Variants in SPATA9 observed in about 807,000 individuals in gnomAD.
SPATA9 encodes the protein spermatogenesis associated 9.
A neutral mutation model predicts 25.5 loss-of-function variants in SPATA9; 27 were observed. The observed-to-expected ratio is 1.06, with a 90% CI of 0.78 to 1.46. The LOEUF (loss-of-function observed/expected upper bound fraction) is 1.46. Among genes scored for constraint, SPATA9 ranks in the 40% most tolerant of loss-of-function variants. The pLI, the probability that SPATA9 is intolerant of heterozygous loss-of-function variation, is 0.00. For synonymous variants in SPATA9, 102 were observed against 105.7 expected (o/e 0.97, Z 0.21); for missense variants, 282 against 297.5 (o/e 0.95, Z 0.38).
Position 95,666,387 on chromosome 5 carries a change from G to A in SPATA9, c.379-2339C>T, listed in dbSNP as rs1229541705. On this transcript the variant is annotated intron_variant, in intron 3 of 4. Transcript: ENST00000274432. Reference sequence around the variant, plus strand: ...CAGAGTTCTTGAGTAATGAAATCTTGGACAAATTAATTCTTTCCTCTAAGC... The same window carrying A: ...CAGAGTTCTTGAGTAATGAAATCTTAGACAAATTAATTCTTTCCTCTAAGC... Among the ~76,000 whole-genome samples the A allele has an allele frequency of 2.6e-5, 4 of 152,194 alleles. No individual in the cohort carries two copies. The East Asian group carries it at 7.7e-4, about 29-fold the overall frequency.
downstream of SPATA9, chr5:95,655,975 A>G: frequency 1.4e-6 from 2 of 1,393,530 alleles, no homozygotes; most frequent in Non-Finnish European, 9.9e-7. Flanking sequence ...GTTCTTCTGC[A>G]GCAGACTCTT....
chr5:95,710,560 C>G, the SPATA9 span, among the ~76,000 whole-genome samples: 1 of 152,168 alleles, frequency 6.6e-6, no homozygotes, highest in Non-Finnish European at 1.5e-5. Context: ...GGCCACTGGG[C>G]GTCTCCAGGG....
chr5:95,731,647 T>C, the SPATA9 span: 5 of 1,612,616 alleles, frequency 3.1e-6, no homozygotes, highest in Admixed American at 1.7e-5. Context: ...CCGCTGCTTT[T>C]CTCCGAGTCG....
intron 2 of SPATA9, among the ~76,000 whole-genome samples, chr5:95,682,054 C>A (rs1443241792): frequency 6.6e-6 from 1 of 152,110 alleles, no homozygotes; most frequent in East Asian, 1.9e-4. Context: ...TGTTTCAAAT[C>A]CTTTTTGGAA....
chr5:95,690,383 G>A (rs1753852110), intron 1 of SPATA9, among the ~76,000 whole-genome samples: 1 of 152,168 alleles, frequency 6.6e-6, no homozygotes, highest in Admixed American at 6.6e-5. Flanking sequence ...TTAGTACAAT[G>A]AACCAGGACT....
the SPATA9 span, among the ~76,000 whole-genome samples, chr5:95,723,164 C>A: frequency 6.6e-6 from 1 of 151,720 alleles, no homozygotes; most frequent in African/African-American, 2.4e-5. Context: ...ACACTAACAC[C>A]AACGATAGCT....
chr5:95,730,784 G>A, the SPATA9 span: 1 of 425,244 alleles, frequency 2.4e-6, no homozygotes, highest in Non-Finnish European at 4.7e-6. Flanking sequence ...ATTGGTGTGT[G>A]AACAAAGAAC....
chr5:95,692,144 C>G (rs191224620), intron 1 of SPATA9, among the ~76,000 whole-genome samples: 1 of 152,118 alleles, frequency 6.6e-6, no homozygotes, highest in Admixed American at 6.5e-5. Flanking sequence ...TTGTACTTAA[C>G]AGATTGGTAT....
intron 3 of SPATA9, among the ~76,000 whole-genome samples, chr5:95,667,747 G>T (rs1232603671): frequency 1.3e-5 from 2 of 152,118 alleles, no homozygotes; most frequent in Admixed American, 1.3e-4. Flanking sequence ...GTATGGGTTG[G>T]ATCTGTGTCC....
At chr5:95,655,914 A>C, downstream of SPATA9, 1 of 749,092 alleles carries the variant, frequency 1.3e-6, no homozygotes, top group Non-Finnish European at 2.2e-6. Context: ...TATGCTGAAT[A>C]ATTTGTACAT....
the SPATA9 span, among the ~76,000 whole-genome samples, chr5:95,711,549 T>G: frequency 6.6e-6 from 1 of 151,950 alleles, no homozygotes; most frequent in Admixed American, 6.6e-5. Context: ...AGGGGCTGCT[T>G]CCTCCCGCCG....
At chr5:95,698,635 C>T (rs770819988) in exon 1 of SPATA9, 1 of 152,114 alleles carries the variant, frequency 6.6e-6, no homozygotes, top group Non-Finnish European at 1.5e-5. Flanking sequence ...AAGCAGAAAC[C>T]GATGAGGGAG....
chr5:95,715,145 GA>G, the SPATA9 span, among the ~76,000 whole-genome samples: 1 of 152,016 alleles, frequency 6.6e-6, no homozygotes, highest in African/African-American at 2.4e-5. Flanking sequence ...CCAACATGGT[GA>G]AACCCCATCT....
At chr5:95,731,209 C>T in the SPATA9 span, 1 of 1,001,592 alleles carries the variant, frequency 1.0e-6, no homozygotes, top group Non-Finnish European at 1.2e-6. Context: ...CCGCGGGGAG[C>T]GCGTCCCCCG....
chr5:95,681,581 C>T (rs543930565), intron 2 of SPATA9, among the ~76,000 whole-genome samples: 1 of 152,246 alleles, frequency 6.6e-6, no homozygotes, highest in Admixed American at 6.5e-5. Flanking sequence ...TTAGATTAAG[C>T]TCATTAGCGG....
At chr5:95,714,451 T>C in the SPATA9 span, among the ~76,000 whole-genome samples, 1 of 152,098 alleles carries the variant, frequency 6.6e-6, no homozygotes, top group Non-Finnish European at 1.5e-5. Context: ...AAAAGTGTTT[T>C]GCAATAGAAG....
At chr5:95,702,996 C>T (rs187310037), upstream of SPATA9, among the ~76,000 whole-genome samples, 469 of 152,324 alleles carry the variant, frequency 3.1e-3, 4 homozygotes, top group Non-Finnish European at 4.0e-3. Flanking sequence ...CTATAAAGTA[C>T]CATTTGCATT....
chr5:95,717,730 G>A, the SPATA9 span: 1 of 152,176 alleles, frequency 6.6e-6, no homozygotes, highest in Non-Finnish European at 1.5e-5. Context: ...GAGGAAGAAC[G>A]GGCCTGGAGG....
At chr5:95,684,243 G>A (rs1270093298), upstream of SPATA9, among the ~76,000 whole-genome samples, 1 of 152,158 alleles carries the variant, frequency 6.6e-6, no homozygotes, top group African/African-American at 2.4e-5. Context: ...CACACGCTGG[G>A]AGTCTATGAG....
Sources: gnomAD v4.1 joint callset for allele counts (sites outside exome capture counted in the v4.1 genomes callset) on GRCh38, gnomAD v4.1.1 for gene constraint, MANE v1.5 for transcripts, NCBI Gene and HGNC (gene_info 2026-07-23, HGNC 2026-07-21) for gene names.